The following ROCK2 variants were observed in gnomAD, a reference collection of about 807,000 sequenced individuals.
ROCK2 encodes rho-associated protein kinase 2.
In ROCK2, 61 loss-of-function variants were observed where a neutral mutation model predicts 195.1. That is an observed-to-expected ratio of 0.31 (90% CI 0.25 to 0.39). The LOEUF (loss-of-function observed/expected upper bound fraction) is 0.39, where lower values mean the gene tolerates loss of function less well. ROCK2 is among the 10% of genes least tolerant of loss of function. The pLI is 1.00. For missense variants in ROCK2, 1,109 were observed against 1,637.4 expected (o/e 0.68, Z 5.57); for synonymous variants, 504 against 545.5 (o/e 0.92, Z 1.06).
At position 11,197,065 on chromosome 2, in the gene ROCK2, T is replaced by C. The variant is rs1663666170; in HGVS notation, c.3448+115A>G. On this transcript the variant is annotated intron_variant, in intron 27 of 32. Transcript: ENST00000315872. This position sits in a 1 kb window ranked among gnomAD's most constrained non-coding sequence, Gnocchi z 4.9. ...TTGAATCCTTACTCCAAGGAGTAGG[T>C]TTTCCCTTAAAGAAATTACAAACAT... The C allele has an allele frequency of 1.7e-6, 1 of 598,894 alleles. No individual in the cohort carries two copies. The highest frequency in any genetic ancestry group is 2.7e-6 in the Non-Finnish European group (1 of 374,630). The allele number at this position is 598,894 out of a possible 1,614,324, so 37.1% of individuals were successfully genotyped here.
At chr2:11,345,259 G>C (rs1247239250), upstream of ROCK2, among the ~76,000 whole-genome samples, 1 of 152,188 alleles carries the variant, frequency 6.6e-6, no homozygotes, top group Non-Finnish European at 1.5e-5. Flanking sequence ...GTTTCTGCCC[G>C]GCTTAGACAC....
intron 1 of ROCK2, among the ~76,000 whole-genome samples, chr2:11,303,249 C>T (rs181511719): frequency 1.1e-4 from 16 of 152,292 alleles, no homozygotes; most frequent in South Asian, 2.1e-4. Context: ...GAAGATGTCA[C>T]TTTGTCCTTA....
chr2:11,277,200 T>A (rs1015992484), intron 3 of ROCK2, among the ~76,000 whole-genome samples: 3 of 152,296 alleles, frequency 2.0e-5, no homozygotes, highest in Admixed American at 6.5e-5. Flanking sequence ...GCTATACAAT[T>A]CTATGGCCTT....
chr2:11,184,777 AG>A (rs1323804964), intron 32 of ROCK2: 1 of 982,964 alleles, frequency 1.0e-6, no homozygotes, highest in African/African-American at 1.7e-5. Flanking sequence ...AATCTGCAAT[AG>A]GAGGTTTGTA....
intron 9 of ROCK2, among the ~76,000 whole-genome samples, 167 bp downstream of exon 9, chr2:11,221,031 T>C (rs1479951748): frequency 6.6e-6 from 1 of 152,200 alleles, no homozygotes; most frequent in Admixed American, 6.5e-5. Context: ...ATGAATAACA[T>C]ATAACATTCA....
At chr2:11,309,809 G>T (rs1393013658) in intron 1 of ROCK2, among the ~76,000 whole-genome samples, 1 of 151,942 alleles carries the variant, frequency 6.6e-6, no homozygotes, top group Non-Finnish European at 1.5e-5. Context: ...ATGAAACCCT[G>T]TCTCTACAAA....
chr2:11,269,231 G>C (rs1438768387), intron 3 of ROCK2, among the ~76,000 whole-genome samples: 2 of 151,886 alleles, frequency 1.3e-5, no homozygotes, highest in African/African-American at 4.8e-5. Flanking sequence ...CTTTGTTTTG[G>C]CCAGTAGTGG....
At chr2:11,258,006 A>G (rs1404893654) in intron 3 of ROCK2, among the ~76,000 whole-genome samples, 4 of 151,262 alleles carry the variant, frequency 2.6e-5, no homozygotes, top group African/African-American at 4.9e-5. Flanking sequence ...CAGAAAGTGT[A>G]TTTTTGTCAC....
At chr2:11,253,184 A>C (rs1296315518) in intron 3 of ROCK2, among the ~76,000 whole-genome samples, 2 of 152,080 alleles carry the variant, frequency 1.3e-5, no homozygotes, top group Non-Finnish European at 2.9e-5. Context: ...AAGAAAGAAG[A>C]AGAAATCAAG....
chr2:11,207,161 A>T (rs1664082983), intron 20 of ROCK2, among the ~76,000 whole-genome samples: 2 of 152,170 alleles, frequency 1.3e-5, no homozygotes, highest in South Asian at 4.1e-4. Flanking sequence ...AGGCATGATC[A>T]CAGTGCAAAG....
chr2:11,283,092 C>T (rs959887553), intron 3 of ROCK2, among the ~76,000 whole-genome samples: 1 of 151,274 alleles, frequency 6.6e-6, no homozygotes, highest in Admixed American at 6.6e-5. Flanking sequence ...CATGGTGAAA[C>T]CCCATCTCTA....
chr2:11,224,300 A>G (rs763476728), intron 7 of ROCK2, 22 bp downstream of exon 7: 2 of 1,583,476 alleles, frequency 1.3e-6, no homozygotes, highest in Non-Finnish European at 1.7e-6. Context: ...GCTTCTCTAC[A>G]AAGAAATTCA....
chr2:11,286,786 G>A, intron 2 of ROCK2, 147 bp from the exon 3 acceptor site: 1 of 520,362 alleles, frequency 1.9e-6, no homozygotes, highest in East Asian at 3.2e-5. Context: ...AAAAATCTAA[G>A]ATATACATTA....
intron 1 of ROCK2, among the ~76,000 whole-genome samples, chr2:11,299,361 T>A (rs572303629): frequency 1.6e-4 from 25 of 151,674 alleles, no homozygotes; most frequent in Admixed American, 2.6e-4. Flanking sequence ...CAAATATTAA[T>A]CAAATCTAAA....
chr2:11,207,974 T>G (rs1664114137), intron 19 of ROCK2, 64 bp from the exon 20 acceptor site: 1 of 1,252,928 alleles, frequency 8.0e-7, no homozygotes, highest in South Asian at 2.5e-5. Flanking sequence ...ATCAATGAAG[T>G]TGGTATAAAA....
chr2:11,272,588 A>C (rs1666676939), intron 3 of ROCK2, among the ~76,000 whole-genome samples: 1 of 151,486 alleles, frequency 6.6e-6, no homozygotes, highest in African/African-American at 2.4e-5. Context: ...GCTGTTAAAG[A>C]AGCAGAGCTG....
intron 1 of ROCK2, among the ~76,000 whole-genome samples, chr2:11,325,712 A>G (rs1460410397): frequency 6.6e-6 from 1 of 152,236 alleles, no homozygotes; most frequent in Non-Finnish European, 1.5e-5. Context: ...TCAGAGAATA[A>G]CAGGGTAAGT....
At position 11,224,405 on chromosome 2, in the gene ROCK2, A is replaced by G. The variant is rs1664744203; in HGVS notation, c.924T>C (p.Asp308=). The G allele has an allele frequency of 6.2e-7, 1 of 1,612,742 alleles. No homozygotes were observed. The highest frequency in any genetic ancestry group is 1.3e-5 in the African/African-American group (1 of 74,870). The change falls in exon 7 of 33, where the codon GAT becomes GAC. Residue 308 remains aspartate (D), a synonymous_variant. Coordinates refer to ENST00000315872, the MANE Select transcript of ROCK2 (RefSeq NM_004850.5). The part of the protein sequence containing the change: ...SLVGTYSKIM[D]HKNSLCFPED... Reference sequence around the variant, plus strand: ...CAGGGAAACACAGTGAATTCTTATGATCCATAATTTTGCTATATGTTCCTA... The same window carrying G: ...CAGGGAAACACAGTGAATTCTTATGGTCCATAATTTTGCTATATGTTCCTA...
chr2:11,317,606 A>ATTTTTTTTTT (rs1215755085), intron 1 of ROCK2, among the ~76,000 whole-genome samples: 1 of 16,158 alleles, frequency 6.2e-5, no homozygotes, highest in African/African-American at 1.9e-4. Context: ...ATATATATAT[A>ATTTTTTTTTT]TATATATTTT....
Sources: allele counts gnomAD v4.1 joint callset (sites outside exome capture counted in the v4.1 genomes callset), GRCh38; gene constraint gnomAD v4.1.1; non-coding constraint Gnocchi (gnomAD v3.1); transcripts MANE v1.5; gene names NCBI Gene and HGNC (gene_info 2026-07-23, HGNC 2026-07-21).